ULK4: variants seen among roughly 807,000 people sequenced by gnomAD.
ULK4 encodes the protein inactive serine/threonine-protein kinase ULK4.
A neutral mutation model predicts 160.6 loss-of-function variants in ULK4; 133 were observed. The observed-to-expected ratio is 0.83, with a 90% CI of 0.72 to 0.96. The LOEUF (loss-of-function observed/expected upper bound fraction) is 0.96. ULK4 is among the 40% of genes least tolerant of loss of function. The pLI is 0.00. For missense variants in ULK4, 1,580 were observed against 1,499.5 expected (o/e 1.05, Z -0.89); for synonymous variants, 534 against 539.8 (o/e 0.99, Z 0.15).
chr3:41,365,106 A>C (rs1172685680), intron 35 of ULK4, among the ~76,000 whole-genome samples: 1 of 152,158 alleles, frequency 6.6e-6, no homozygotes, highest in Non-Finnish European at 1.5e-5. Context: ...GTATTTCAGC[A>C]TTTTTACTAC....
At chr3:41,293,006 C>T (rs1229309863) in intron 35 of ULK4, among the ~76,000 whole-genome samples, 2 of 151,884 alleles carry the variant, frequency 1.3e-5, no homozygotes, top group Admixed American at 6.6e-5. Context: ...TCTGTAGTCC[C>T]GGTCACTTGG....
chr3:41,457,054 C>G (rs1022530766), intron 33 of ULK4, among the ~76,000 whole-genome samples: 2 of 152,208 alleles, frequency 1.3e-5, no homozygotes, highest in African/African-American at 4.8e-5. Context: ...AACAAATGTG[C>G]GGCACTATCC....
At chr3:41,728,526 C>T (rs2037723879) in intron 22 of ULK4, among the ~76,000 whole-genome samples, 1 of 152,100 alleles carries the variant, frequency 6.6e-6, no homozygotes, top group African/African-American at 2.4e-5. Flanking sequence ...GAAGCACCAC[C>T]TCCAACAACG....
At chr3:41,600,418 A>C (rs1180092445) in intron 31 of ULK4, among the ~76,000 whole-genome samples, 2 of 152,226 alleles carry the variant, frequency 1.3e-5, no homozygotes, top group African/African-American at 2.4e-5. Context: ...TGGCAAAGAA[A>C]TCTGACCAGG....
intron 32 of ULK4, among the ~76,000 whole-genome samples, chr3:41,488,350 G>A (rs1293661621): frequency 6.6e-6 from 1 of 152,160 alleles, no homozygotes; most frequent in Non-Finnish European, 1.5e-5. Context: ...GGTCCAGAGA[G>A]TTGGAAATTA....
chr3:41,290,491 T>C (rs1303183148), intron 35 of ULK4, among the ~76,000 whole-genome samples: 1 of 152,144 alleles, frequency 6.6e-6, no homozygotes, highest in Non-Finnish European at 1.5e-5. Context: ...TAGGTTATAG[T>C]GCTTCTCTAC....
chr3:41,698,776 G>A (rs1457614959), intron 27 of ULK4, among the ~76,000 whole-genome samples: 1 of 152,106 alleles, frequency 6.6e-6, no homozygotes, highest in African/African-American at 2.4e-5. Flanking sequence ...GCACCTAGAT[G>A]AAGGAACATT....
intron 27 of ULK4, among the ~76,000 whole-genome samples, chr3:41,703,234 T>C (rs529980526): frequency 6.4e-3 from 216 of 33,726 alleles, no homozygotes; most frequent in African/African-American, 0.019. Flanking sequence ...CTGCAAAATA[T>C]GTATTTTTTT....
chr3:41,888,007 A>G (rs932389746), intron 16 of ULK4, among the ~76,000 whole-genome samples: 15 of 150,248 alleles, frequency 1.0e-4, no homozygotes, highest in African/African-American at 2.7e-4. Flanking sequence ...CACAAAAAGA[A>G]AAAAAAAAAT....
intron 31 of ULK4, among the ~76,000 whole-genome samples, chr3:41,575,235 A>C (rs559207235): frequency 3.3e-4 from 50 of 152,320 alleles, no homozygotes; most frequent in Non-Finnish European, 6.0e-4. Context: ...ATGTATATGG[A>C]TTTCCTAGGA....
chr3:41,935,231 T>C (rs1416804908), intron 4 of ULK4, among the ~76,000 whole-genome samples: 28 of 10,852 alleles, frequency 2.6e-3, no homozygotes, highest in African/African-American at 3.8e-3. Context: ...TTTTTTTTTT[T>C]TTTTTTTTTT....
chr3:41,431,768 T>G (rs186615871), intron 34 of ULK4, among the ~76,000 whole-genome samples: 1 of 146,592 alleles, frequency 6.8e-6, no homozygotes, highest in African/African-American at 2.6e-5. Context: ...AAGATGCGAC[T>G]ATTTCTTTTT....
At chr3:41,842,834 G>C (rs1029547765) in intron 17 of ULK4, among the ~76,000 whole-genome samples, 1 of 152,212 alleles carries the variant, frequency 6.6e-6, no homozygotes, top group African/African-American at 2.4e-5. Context: ...TAGGCACATA[G>C]ATCAATGGAA....
intron 31 of ULK4, among the ~76,000 whole-genome samples, chr3:41,591,758 T>C (rs2031325517): frequency 6.6e-6 from 1 of 152,178 alleles, no homozygotes; most frequent in Non-Finnish European, 1.5e-5. Context: ...GTGGTAAATA[T>C]TTGGCCATAA....
intron 34 of ULK4, among the ~76,000 whole-genome samples, chr3:41,407,833 T>C (rs1401187159): frequency 2.0e-5 from 3 of 152,132 alleles, no homozygotes; most frequent in Non-Finnish European, 4.4e-5. Context: ...ATATTCATCA[T>C]TATAATGGAG....
chr3:41,706,553 C>A (rs977380736), intron 25 of ULK4, among the ~76,000 whole-genome samples: 1 of 150,784 alleles, frequency 6.6e-6, no homozygotes, highest in African/African-American at 2.4e-5. Flanking sequence ...ATAGGCCAAG[C>A]GCAGTGGCTC....
chr3:41,366,576 T>TACACACACACACACAC (rs1366334544), intron 35 of ULK4, among the ~76,000 whole-genome samples: 3 of 141,640 alleles, frequency 2.1e-5, no homozygotes, highest in African/African-American at 8.4e-5. Flanking sequence ...CACACACACT[T>TACACACACACACACAC]TATCTATATA....
At chr3:41,530,353 G>C (rs2086262151) in intron 32 of ULK4, among the ~76,000 whole-genome samples, 2 of 152,142 alleles carry the variant, frequency 1.3e-5, no homozygotes, top group Non-Finnish European at 2.9e-5. Context: ...AAATGTCCGG[G>C]ACCATCAAGG....
intron 30 of ULK4, among the ~76,000 whole-genome samples, chr3:41,654,228 G>A (rs530028833): frequency 6.6e-6 from 1 of 152,070 alleles, no homozygotes; most frequent in Non-Finnish European, 1.5e-5. Context: ...TATAAATTGT[G>A]GATTTCTCTA....
Sources: gnomAD v4.1 joint callset for allele counts (sites outside exome capture counted in the v4.1 genomes callset) on GRCh38, gnomAD v4.1.1 for gene constraint, MANE v1.5 for transcripts, NCBI Gene and HGNC (gene_info 2026-07-23, HGNC 2026-07-21) for gene names.